Variants in CADM2 observed in about 807,000 individuals in gnomAD.
CADM2 encodes cell adhesion molecule 2.
CADM2 carries 12 observed loss-of-function variants against 49.8 expected under a neutral mutation model. That is an observed-to-expected ratio of 0.24 (90% CI 0.15 to 0.39). The LOEUF (loss-of-function observed/expected upper bound fraction) is 0.39. Ranked by LOEUF, CADM2 falls within the 10% of genes least tolerant of loss-of-function variation. The pLI is 1.00. For missense variants in CADM2, 378 were observed against 492.3 expected, an observed-to-expected ratio of 0.77 and a Z score of 2.20; for synonymous variants, 214 against 175.4, an observed-to-expected ratio of 1.22 and a Z score of -1.74.
chr3:85,026,584 CAT>C (rs1489403500), intron 1 of CADM2, among the ~76,000 whole-genome samples: 6 of 152,246 alleles, frequency 3.9e-5, no homozygotes, highest in Non-Finnish European at 7.4e-5. Flanking sequence ...TACCAATACA[CAT>C]GATTTAGTAT....
chr3:85,730,549 A>G (rs2067888981), intron 2 of CADM2, among the ~76,000 whole-genome samples: 1 of 152,200 alleles, frequency 6.6e-6, no homozygotes. Context: ...AATTCTCAAC[A>G]TGCTACATTT....
intron 8 of CADM2, among the ~76,000 whole-genome samples, chr3:86,031,409 G>A (rs562111234): frequency 1.3e-5 from 2 of 151,906 alleles, no homozygotes; most frequent in African/African-American, 2.4e-5. Context: ...GCAAGATTAT[G>A]TATTTGCCCT....
intron 3 of CADM2, among the ~76,000 whole-genome samples, chr3:85,819,268 C>T (rs2108172883): frequency 6.6e-6 from 1 of 152,220 alleles, no homozygotes; most frequent in African/African-American, 2.4e-5. Flanking sequence ...TGGATGGTGC[C>T]CACCCACATT....
At chr3:85,675,772 A>G (rs946726183) in intron 1 of CADM2, among the ~76,000 whole-genome samples, 9 of 152,208 alleles carry the variant, frequency 5.9e-5, no homozygotes, top group Non-Finnish European at 1.2e-4. Flanking sequence ...CTTTTGTGAC[A>G]AAAGTGTTGT....
intron 1 of CADM2, among the ~76,000 whole-genome samples, chr3:85,683,875 A>G (rs1307262801): frequency 2.0e-5 from 3 of 152,144 alleles, no homozygotes; most frequent in Non-Finnish European, 4.4e-5. Context: ...AAGTCTTTTG[A>G]ACAAAGTAAT....
At chr3:85,288,636 A>G (rs2043694883) in intron 1 of CADM2, among the ~76,000 whole-genome samples, 1 of 152,090 alleles carries the variant, frequency 6.6e-6, no homozygotes, top group Non-Finnish European at 1.5e-5. Flanking sequence ...GAGTTGGCTC[A>G]GCTATACCTG....
At chr3:85,272,487 C>T (rs906119679) in intron 1 of CADM2, among the ~76,000 whole-genome samples, 2 of 151,326 alleles carry the variant, frequency 1.3e-5, no homozygotes, top group East Asian at 1.9e-4. Flanking sequence ...TCTATTCAAA[C>T]AACTTTCTAT....
intron 1 of CADM2, among the ~76,000 whole-genome samples, chr3:85,530,488 A>G (rs62252501): frequency 0.52 from 77,825 of 150,844 alleles, 23,011 homozygotes; most frequent in East Asian, 0.85. Context: ...CCGCCACCAC[A>G]CCCTGCTAAT....
chr3:86,022,677 T>G (rs1202515575), intron 8 of CADM2, among the ~76,000 whole-genome samples: 1 of 152,108 alleles, frequency 6.6e-6, no homozygotes, highest in Non-Finnish European at 1.5e-5. Flanking sequence ...TTATTATAAA[T>G]ACACATACAC....
At chr3:85,428,181 T>C (rs2036500213) in intron 1 of CADM2, among the ~76,000 whole-genome samples, 1 of 151,246 alleles carries the variant, frequency 6.6e-6, no homozygotes, top group Admixed American at 6.6e-5. Flanking sequence ...CAAAAGTGTG[T>C]GTATAATTTA....
chr3:85,350,500 A>C lies in CADM2; in HGVS notation c.62-376022A>C, dbSNP rs574758149. ...TGTACTTTTACCTGTCTTCCAAAAA[A>C]CCTCTTGATCTCATCTTTTCCTATT... On this transcript the variant is annotated intron_variant, in intron 1 of 9. Transcript: ENST00000383699. 4.6e-5 allele frequency among the ~76,000 whole-genome samples: 7 copies of C among 151,954 alleles called. No homozygotes were observed. The South Asian group carries it at 6.2e-4, about 14-fold the overall frequency.
chr3:85,325,388 G>A (rs1262588204), intron 1 of CADM2, among the ~76,000 whole-genome samples: 1 of 152,056 alleles, frequency 6.6e-6, no homozygotes, highest in South Asian at 2.1e-4. Flanking sequence ...CACATTTGTG[G>A]CTTTTGAATA....
chr3:85,671,058 C>T, intron 1 of CADM2, among the ~76,000 whole-genome samples: 1 of 152,090 alleles, frequency 6.6e-6, no homozygotes, highest in Non-Finnish European at 1.5e-5. Context: ...AAGACTTGGC[C>T]TTTCATAGCC....
intron 8 of CADM2, among the ~76,000 whole-genome samples, chr3:86,065,158 C>A (rs1366192803): frequency 1.3e-5 from 2 of 152,134 alleles, no homozygotes; most frequent in Non-Finnish European, 2.9e-5. Flanking sequence ...TAGTCAATTT[C>A]CATAGCTGTA....
Position 85,226,921 on chromosome 3 carries a change from A to C in CADM2, c.61+267253A>C, listed in dbSNP as rs540491927. On this transcript the variant is annotated intron_variant, in intron 1 of 9. Coordinates refer to ENST00000383699, the MANE Select transcript of CADM2 (RefSeq NM_001167675.2). ...TTCAGGAGCAGGTTGTTCAGTTTCC[A>C]TGTAGTTGTGTGGTTTTGAGTGAGT... Among the ~76,000 whole-genome samples the C allele has an allele frequency of 1.3e-3, 191 of 152,236 alleles. 1 individual carries two copies. The highest frequency in any genetic ancestry group is 4.2e-3 in the African/African-American group (173 of 41,548).
At chr3:85,584,051 T>A (rs760950744) in intron 1 of CADM2, among the ~76,000 whole-genome samples, 63 of 152,086 alleles carry the variant, frequency 4.1e-4, no homozygotes, top group Non-Finnish European at 7.8e-4. Flanking sequence ...ATTTGTCATA[T>A]TGTTAAAATT....
rs1255863695 is a variant in CADM2, at chr3:85,899,637, C to A, written c.530-12736C>A. ...CTAGTCAAGTTATTTAGAGGTTAGT[C>A]CTTTCAGAGGTTTTTAAAAATTTAT... On this transcript the variant is annotated intron_variant, in intron 5 of 9. Transcript: ENST00000383699. Among the ~76,000 whole-genome samples the A allele has an allele frequency of 2.0e-5, 3 of 151,926 alleles. No homozygotes were observed. In the East Asian group the frequency reaches 5.8e-4, roughly 29 times the overall value.
rs553976355 is a variant in CADM2, at chr3:85,653,453, G to A, written c.62-73069G>A. Among the ~76,000 whole-genome samples, 4 of 151,370 alleles carry A rather than the reference G, an allele frequency of 2.6e-5. No homozygotes were observed. In the South Asian group the frequency reaches 6.3e-4, roughly 24 times the overall value. On this transcript the variant is annotated intron_variant, in intron 1 of 9. Coordinates refer to ENST00000383699, the MANE Select transcript of CADM2 (RefSeq NM_001167675.2). ...TAGCTTGGTTGTTGTATGAGAGTGA[G>A]TAAGAGGAGTATAAAAGGACCCCAA...
chr3:85,239,324 C>T (rs2042478039), intron 1 of CADM2, among the ~76,000 whole-genome samples: 2 of 151,684 alleles, frequency 1.3e-5, no homozygotes, highest in Non-Finnish European at 3.0e-5. Flanking sequence ...GTGTGAAAAA[C>T]ATAAATGAAG....
Sources: gnomAD v4.1 joint callset for allele counts (sites outside exome capture counted in the v4.1 genomes callset) on GRCh38, gnomAD v4.1.1 for gene constraint, MANE v1.5 for transcripts, NCBI Gene and HGNC (gene_info 2026-07-23, HGNC 2026-07-21) for gene names.